SMC3: variants seen among roughly 807,000 people sequenced by gnomAD.
The protein encoded by SMC3 is structural maintenance of chromosomes 3, also known as structural maintenance of chromosomes protein 3.
SMC3 carries 20 observed loss-of-function variants against 171.8 expected under a neutral mutation model. That is an observed-to-expected ratio of 0.12 (90% CI 0.08 to 0.17). The LOEUF is 0.17. Among genes scored for constraint, SMC3 ranks in the 10% least tolerant of loss-of-function variants. SMC3 has a pLI of 1.00. For missense variants in SMC3, 543 were observed against 1,420.4 expected (o/e 0.38, Z 9.93); for synonymous variants, 464 against 451.1 (o/e 1.03, Z -0.36).
At chr10:110,592,274 A>C (rs964097787) in intron 17 of SMC3, among the ~76,000 whole-genome samples, 1 of 152,016 alleles carries the variant, frequency 6.6e-6, no homozygotes, top group African/African-American at 2.4e-5. Context: ...AAAAAAAAAA[A>C]AAAATTTTAT....
In SMC3 at chr10:110,578,713, C is replaced by T. The variant is rs1458643534; in HGVS notation, c.429+7C>T. On this transcript the variant is annotated splice_region_variant and intron_variant, in intron 7 of 28. Transcript: ENST00000361804. ...TATTGTTAAACAAGGAAAGGTAAAA[C>T]AATTGTATGTCCTTTTTAAGTAGAA... The T allele has an allele frequency of 6.3e-7, 1 of 1,578,516 alleles. No individual in the cohort carries two copies. The highest frequency in any genetic ancestry group is 8.7e-7 in the Non-Finnish European group (1 of 1,151,482).
intron 3 of SMC3, among the ~76,000 whole-genome samples, chr10:110,574,336 C>T (rs1463793408): frequency 6.6e-6 from 1 of 152,110 alleles, no homozygotes. Context: ...AATAGCAATG[C>T]GTCTGTTAAC....
At chr10:110,585,983 G>A (rs188850099) in intron 13 of SMC3, among the ~76,000 whole-genome samples, 103 of 152,094 alleles carry the variant, frequency 6.8e-4, no homozygotes, top group African/African-American at 2.3e-3. Flanking sequence ...ATTTTTAGTA[G>A]AATGGCGTTT....
Position 110,602,805 on chromosome 10 carries a change from CATA to C in SMC3, c.3298-16_3298-14del, listed in dbSNP as rs1564796269. ...GATTCTGCCCTTTAGGATATTAACT[CATA>C]ATATGTTTATTTTTAGGTGTCATTT... On this transcript the variant is annotated splice_polypyrimidine_tract_variant and intron_variant, in intron 26 of 28. Coordinates refer to ENST00000361804, the MANE Select transcript of SMC3 (RefSeq NM_005445.4). The C allele has an allele frequency of 6.2e-7, 1 of 1,608,072 alleles. No individual in the cohort carries two copies. The highest frequency in any genetic ancestry group is 2.2e-5 in the East Asian group (1 of 44,842).
At chr10:110,568,822 A>T in intron 1 of SMC3, 116 bp from the exon 2 acceptor site, 4 of 652,282 alleles carry the variant, frequency 6.1e-6, no homozygotes, top group South Asian at 1.7e-5. Flanking sequence ...AATTTTTCTT[A>T]TATGAAATTT....
intron 28 of SMC3, among the ~76,000 whole-genome samples, chr10:110,603,741 A>C (rs925361605): frequency 3.3e-5 from 5 of 152,240 alleles, no homozygotes; most frequent in Non-Finnish European, 7.3e-5. Context: ...TTGAACAAAC[A>C]CCACTGTAAA....
At chr10:110,591,445 C>G (rs1228787571) in intron 17 of SMC3, among the ~76,000 whole-genome samples, 1 of 152,184 alleles carries the variant, frequency 6.6e-6, no homozygotes, top group South Asian at 2.1e-4. Context: ...GTGTTAAAAG[C>G]GTAAGTACAG....
chr10:110,581,869 T>G (rs1278515716), intron 8 of SMC3, 54 bp from the exon 9 acceptor site: 3 of 1,348,258 alleles, frequency 2.2e-6, no homozygotes, highest in Non-Finnish European at 2.1e-6. Flanking sequence ...TAAGAAGTGA[T>G]ATTACATAAA....
rs1860791847 is a variant in SMC3 at position 110,567,715 on chromosome 10, C to G, written c.-102C>G. On this transcript the variant is annotated 5_prime_UTR_variant, in exon 1 of 29. Coordinates refer to ENST00000361804, the MANE Select transcript of SMC3 (RefSeq NM_005445.4). ...ATTTTGTTTGGCTGAGGGGAGCGAG[C>G]GGCGCTTTGGGGGAGGGGTCGCGTA... The G allele has an allele frequency of 7.0e-7, 1 of 1,424,220 alleles. No homozygotes were observed. The highest frequency in any genetic ancestry group is 1.8e-5 in the Admixed American group (1 of 57,130). 88.2% of individuals were successfully genotyped at this position (1,424,220 alleles called of 1,614,324 possible).
chr10:110,588,286 G>A (rs931849136), intron 13 of SMC3, among the ~76,000 whole-genome samples: 1 of 152,060 alleles, frequency 6.6e-6, no homozygotes, highest in Non-Finnish European at 1.5e-5. Context: ...CACCGCGCCC[G>A]GCCAATCTAA....
intron 13 of SMC3, among the ~76,000 whole-genome samples, chr10:110,587,192 A>G (rs1209477333): frequency 1.3e-5 from 2 of 152,198 alleles, no homozygotes; most frequent in African/African-American, 4.8e-5. Flanking sequence ...AAGCTCTTAG[A>G]TAGTTTCAGT....
Position 110,590,401 on chromosome 10 carries a change from A to C in SMC3, c.1510-11A>C, listed in dbSNP as rs764795431. The C allele has an allele frequency of 8.7e-6, 14 of 1,611,760 alleles. No homozygotes were observed. The Admixed American group carries it at 2.3e-4, about 27-fold the overall frequency. On this transcript the variant is annotated splice_polypyrimidine_tract_variant and intron_variant, in intron 15 of 28. Transcript: ENST00000361804. ...ATTATTTTAATATTTTTCATTTCTG[A>C]CAACTTACAGGCCATTTTAAATGGA... is the stretch of plus-strand genomic sequence containing the variant.
chr10:110,589,817 G>A (rs1238801151), intron 14 of SMC3, 75 bp from the exon 15 acceptor site: 2 of 1,508,018 alleles, frequency 1.3e-6, no homozygotes, highest in Non-Finnish European at 1.8e-6. Context: ...TCTGTATTTT[G>A]ATTCTAAACT....
At chr10:110,568,332 C>A in intron 1 of SMC3, 1 of 178,176 alleles carries the variant, frequency 5.6e-6, no homozygotes. Context: ...GTTCTTCTCC[C>A]CAGTTAACCC....
intron 1 of SMC3, 110 bp downstream of exon 1, chr10:110,567,941 C>G (rs1860799414): frequency 7.4e-7 from 1 of 1,355,930 alleles, no homozygotes; most frequent in Non-Finnish European, 1.0e-6. Flanking sequence ...ACAGGCTGGA[C>G]CAGGGCTGGG....
chr10:110,581,871 T>C lies in SMC3; in HGVS notation c.548-52T>C, dbSNP rs537571212. ...TTCAAGGTATATTTAAGAAGTGATA[T>C]TACATAAAAATCTTATTCAATTCTT... On this transcript the variant is annotated intron_variant, in intron 8 of 28. Coordinates refer to ENST00000361804, the MANE Select transcript of SMC3 (RefSeq NM_005445.4). 66 of 1,390,240 alleles carry C rather than the reference T, an allele frequency of 4.7e-5. 1 individual carries two copies. The highest frequency in any genetic ancestry group is 4.4e-4 in the South Asian group (38 of 85,770). The allele number at this position is 1,390,240 out of a possible 1,614,324, so 86.1% of individuals were successfully genotyped here.
intron 21 of SMC3, 50 bp from the exon 22 acceptor site, chr10:110,600,389 C>T (rs1554884016): frequency 2.3e-6 from 2 of 886,876 alleles, no homozygotes; most frequent in South Asian, 1.3e-5. Context: ...AGCACCATTC[C>T]TGTGTGTGAA....
intron 18 of SMC3, among the ~76,000 whole-genome samples, chr10:110,594,942 A>G (rs539094719): frequency 6.6e-6 from 1 of 152,174 alleles, no homozygotes; most frequent in African/African-American, 2.4e-5. Flanking sequence ...ATTATCCTAA[A>G]ATATTTTTCT....
At chr10:110,576,356 G>T (rs963185058) in intron 4 of SMC3, among the ~76,000 whole-genome samples, 16 of 152,158 alleles carry the variant, frequency 1.1e-4, no homozygotes, top group Non-Finnish European at 2.2e-4. Context: ...ATTTTATTAA[G>T]TGGGTCCTTT....
Sources: gnomAD v4.1 joint callset for allele counts (sites outside exome capture counted in the v4.1 genomes callset) on GRCh38, gnomAD v4.1.1 for gene constraint, MANE v1.5 for transcripts, NCBI Gene and HGNC (gene_info 2026-07-23, HGNC 2026-07-21) for gene names.